CDH20: variants seen among roughly 807,000 people sequenced by gnomAD.
The protein encoded by CDH20 is cadherin 20.
In CDH20, 29 loss-of-function variants were observed where a neutral mutation model predicts 74.2. The ratio of observed to expected loss-of-function variants is 0.39; its 90% CI spans 0.29 to 0.53. CDH20 has a LOEUF of 0.53. Ranked by LOEUF, CDH20 falls within the 20% of genes least tolerant of loss-of-function variation. The probability of loss-of-function intolerance (pLI) is 0.69; values close to 1 mark genes in which losing one functional copy is unlikely to be tolerated. For synonymous variants in CDH20, 469 were observed against 405.4 expected, an observed-to-expected ratio of 1.16 and a Z score of -1.88; for missense variants, 988 against 1,048.3, an observed-to-expected ratio of 0.94 and a Z score of 0.79.
chr18:61,409,255 G>T lies in CDH20; in HGVS notation c.-153+75428G>T, dbSNP rs138939057. On this transcript the variant is annotated intron_variant, in intron 1 of 11. Coordinates refer to ENST00000262717, the MANE Select transcript of CDH20 (RefSeq NM_031891.4). The stretch of plus-strand genomic sequence containing the variant: ...ACGGTTCTCACTGTGGAGAAGGGAG[G>T]TCCCCACAGTGCTTCTGTGCCCCCA... Among the ~76,000 whole-genome samples, 3 of 152,292 alleles carry T rather than the reference G, an allele frequency of 2.0e-5. No homozygotes were observed. The East Asian group carries it at 5.8e-4, about 29-fold the overall frequency.
chr18:61,400,337 T>C (rs1912116524), intron 1 of CDH20, among the ~76,000 whole-genome samples: 1 of 152,186 alleles, frequency 6.6e-6, no homozygotes, highest in Admixed American at 6.5e-5. Context: ...CAAGGCAAAG[T>C]AGATACTGCT....
intron 1 of CDH20, among the ~76,000 whole-genome samples, chr18:61,446,456 C>T (rs934893832): frequency 1.2e-4 from 19 of 152,144 alleles, no homozygotes; most frequent in Admixed American, 2.0e-4. Context: ...TCTCCATATC[C>T]TTCAAGTCTG....
chr18:61,518,590 A>G (rs890931006), intron 6 of CDH20, among the ~76,000 whole-genome samples: 1 of 151,346 alleles, frequency 6.6e-6, no homozygotes, highest in Non-Finnish European at 1.5e-5. Context: ...CAAAAACAAC[A>G]TCCACACAGA....
At chr18:61,387,345 G>A (rs1301477576) in intron 1 of CDH20, among the ~76,000 whole-genome samples, 1 of 152,072 alleles carries the variant, frequency 6.6e-6, no homozygotes, top group Non-Finnish European at 1.5e-5. Context: ...CAATTACCAG[G>A]GTCTGAACTC....
intron 1 of CDH20, among the ~76,000 whole-genome samples, chr18:61,409,730 A>G (rs1912436520): frequency 6.6e-6 from 1 of 152,240 alleles, no homozygotes; most frequent in Admixed American, 6.5e-5. Context: ...GAACTGCAAC[A>G]TAACGTAGTA....
At chr18:61,420,637 A>C (rs913374451) in intron 1 of CDH20, among the ~76,000 whole-genome samples, 2 of 152,144 alleles carry the variant, frequency 1.3e-5, no homozygotes, top group Admixed American at 6.5e-5. Context: ...CTGGGGCTGG[A>C]ACTGCAGTGG....
At chr18:61,455,084 T>C (rs1909527466) in intron 1 of CDH20, among the ~76,000 whole-genome samples, 3 of 152,226 alleles carry the variant, frequency 2.0e-5, no homozygotes, top group African/African-American at 7.2e-5. Context: ...TCATAAATTC[T>C]ATGATTTCTA....
intron 1 of CDH20, among the ~76,000 whole-genome samples, chr18:61,424,625 T>C (rs1277745666): frequency 6.6e-6 from 1 of 152,236 alleles, no homozygotes; most frequent in Non-Finnish European, 1.5e-5. Flanking sequence ...ATAGCATTGA[T>C]TTAGAATTAG....
At chr18:61,388,215 T>G (rs548948725) in intron 1 of CDH20, among the ~76,000 whole-genome samples, 2 of 152,140 alleles carry the variant, frequency 1.3e-5, no homozygotes. Flanking sequence ...TGAGTAATAT[T>G]TTTATCTGGC....
intron 1 of CDH20, among the ~76,000 whole-genome samples, chr18:61,409,710 C>T (rs1224478118): frequency 6.6e-6 from 1 of 152,132 alleles, no homozygotes; most frequent in African/African-American, 2.4e-5. Flanking sequence ...GTCCTGAGTC[C>T]TTAAGTAATG....
At chr18:61,536,298 T>C (rs551055208) in intron 7 of CDH20, among the ~76,000 whole-genome samples, 195 bp from the exon 8 acceptor site, 1 of 152,306 alleles carries the variant, frequency 6.6e-6, no homozygotes, top group Admixed American at 6.5e-5. Flanking sequence ...ATTGAAGCAA[T>C]ATTTGTTTTG....
At chr18:61,475,916 C>A (rs919964537) in intron 1 of CDH20, among the ~76,000 whole-genome samples, 2 of 152,150 alleles carry the variant, frequency 1.3e-5, no homozygotes, top group Non-Finnish European at 2.9e-5. Flanking sequence ...ATAACTTTTT[C>A]TTACCCCCTT....
At chr18:61,438,443 A>C (rs765087697) in intron 1 of CDH20, among the ~76,000 whole-genome samples, 11 of 152,308 alleles carry the variant, frequency 7.2e-5, no homozygotes, top group African/African-American at 9.6e-5. Flanking sequence ...GAAGACAGAC[A>C]GGCAGAGGTT....
At chr18:61,457,805 G>T (rs1208140301) in intron 1 of CDH20, among the ~76,000 whole-genome samples, 1 of 152,144 alleles carries the variant, frequency 6.6e-6, no homozygotes, top group Admixed American at 6.6e-5. Flanking sequence ...AGAAAGCTGA[G>T]AATTCTCCAG....
intron 6 of CDH20, among the ~76,000 whole-genome samples, chr18:61,525,335 A>G (rs1177715359): frequency 6.6e-6 from 1 of 152,242 alleles, no homozygotes; most frequent in Non-Finnish European, 1.5e-5. Context: ...AGGGAAAACA[A>G]GTTTTGCCTA....
At chr18:61,337,282 T>G (rs72989937) in intron 1 of CDH20, among the ~76,000 whole-genome samples, 14,817 of 152,190 alleles carry the variant, frequency 0.097, 818 homozygotes, top group Middle Eastern at 0.14. Context: ...CACATTCTAC[T>G]TCGGATATGG....
At chr18:61,520,315 CAAAAAAA>C (rs58685164) in intron 6 of CDH20, among the ~76,000 whole-genome samples, 47,517 of 122,036 alleles carry the variant, frequency 0.39, 8,945 homozygotes, top group African/African-American at 0.48. Flanking sequence ...GACTCCGTCT[CAAAAAAA>C]AAAAAAAAAA....
intron 1 of CDH20, among the ~76,000 whole-genome samples, chr18:61,433,987 G>A (rs1452193784): frequency 6.6e-6 from 1 of 152,126 alleles, no homozygotes; most frequent in Non-Finnish European, 1.5e-5. Context: ...GATTTTCCCT[G>A]AAGAAAGGTC....
chr18:61,508,701 A>C (rs1000466161), intron 6 of CDH20, among the ~76,000 whole-genome samples: 1 of 152,246 alleles, frequency 6.6e-6, no homozygotes, highest in Admixed American at 6.5e-5. Context: ...CAGTGGCGCA[A>C]TCTCGGCTCA....
Sources: gnomAD v4.1 joint callset for allele counts (sites outside exome capture counted in the v4.1 genomes callset) on GRCh38, gnomAD v4.1.1 for gene constraint, MANE v1.5 for transcripts, NCBI Gene and HGNC (gene_info 2026-07-23, HGNC 2026-07-21) for gene names.